SLC6A2: variants seen among roughly 807,000 people sequenced by gnomAD.
SLC6A2 encodes the protein solute carrier family 6 member 2.
In SLC6A2, 26 loss-of-function variants were observed where a neutral mutation model predicts 71.7. The observed-to-expected ratio is 0.36, with a 90% CI of 0.27 to 0.50. The LOEUF is 0.50. SLC6A2 is among the 20% of genes least tolerant of loss of function. SLC6A2 has a pLI of 0.96. For missense variants in SLC6A2, 581 were observed against 803.9 expected, an observed-to-expected ratio of 0.72 and a Z score of 3.35; for synonymous variants, 363 against 337.9, an observed-to-expected ratio of 1.07 and a Z score of -0.82.
At chr16:55,660,149 G>A (rs571151425) in intron 2 of SLC6A2, among the ~76,000 whole-genome samples, 2 of 152,226 alleles carry the variant, frequency 1.3e-5, no homozygotes, top group South Asian at 2.1e-4. Context: ...GCAGACAAGC[G>A]GTGAGAAGGG....
At chr16:55,702,064 C>G (rs1210209848) in intron 14 of SLC6A2, 130 bp downstream of exon 14, 1 of 823,780 alleles carries the variant, frequency 1.2e-6, no homozygotes, top group Admixed American at 2.0e-5. Context: ...GCCTTTTCCC[C>G]TTGGAAACAT....
chr16:55,667,736 T>G (rs1486079696), intron 2 of SLC6A2, among the ~76,000 whole-genome samples: 1 of 152,216 alleles, frequency 6.6e-6, no homozygotes, highest in African/African-American at 2.4e-5. Flanking sequence ...ACCACATGGC[T>G]TAGCTGGTCC....
Position 55,699,601 on chromosome 16 carries a change from C to T in SLC6A2, c.1537C>T (p.Pro513Ser). The change falls in exon 12 of 15, where the codon CCG becomes TCG. Residue 513 changes from proline to serine, a missense_variant. Pro to Ser is a moderately conservative substitution (Grantham distance 74). Transcript: ENST00000568943. ...NDIQQMMGFR[P>S]GLYWRLCWKF... ...CATCCAGCAGATGATGGGGTTCAGG[C>T]CGGGTCTATACTGGAGACTGTGCTG... The T allele has an allele frequency of 6.2e-7, 1 of 1,614,136 alleles. No individual in the cohort carries two copies. Among genetic ancestry groups the T allele is most frequent in the African/African-American group, 1.3e-5 (1 of 75,038 alleles).
rs1161580229 is a variant in SLC6A2, at chr16:55,705,811, CA to C, written c.*3466del. ...CCTCCAGAACTTTGATTTTTCTGGA[CA>C]TTCAATAGTTCCTCTTTCTCAGATA... On this transcript the variant is annotated 3_prime_UTR_variant, in exon 15 of 15. Transcript: ENST00000568943. The C allele has an allele frequency of 1.3e-5, 2 of 152,284 alleles. No homozygotes were observed. Among genetic ancestry groups the C allele is most frequent in the African/African-American group, 4.8e-5 (2 of 41,470 alleles). The allele number at this position is 152,284 out of a possible 1,614,324, so 9.4% of individuals were successfully genotyped here.
chr16:55,665,448 C>T (rs1483643160), intron 2 of SLC6A2, among the ~76,000 whole-genome samples: 2 of 152,218 alleles, frequency 1.3e-5, no homozygotes, highest in Middle Eastern at 3.4e-3. Context: ...ACACCAGCAG[C>T]GACAGCCTGT....
Position 55,656,945 on chromosome 16 carries a change from A to T in SLC6A2, c.251A>T (p.Tyr84Phe). ...CTGGCCAACGTGTGGCGCTTCCCCT[A>T]CCTCTGCTACAAGAACGGCGGCGGT... ...VDLANVWRFP[Y>F]LCYKNGGGAF... Residue 84 changes from tyrosine to phenylalanine, a missense_variant, in exon 2 of 15, where the codon TAC becomes TTC. Tyr to Phe is a conservative substitution (Grantham distance 22, BLOSUM62 3). Transcript: ENST00000568943. The surrounding 1 kb of genome is among the most constrained non-coding windows in gnomAD (Gnocchi z 4.5). 1.2e-6 allele frequency: 2 copies of T among 1,613,424 alleles called. No homozygotes were observed. Among genetic ancestry groups the T allele is most frequent in the South Asian group, 2.2e-5 (2 of 91,058 alleles).
In SLC6A2 at chr16:55,699,671, G is replaced by A. The variant is rs1965909356; in HGVS notation, c.1590+17G>A. ...TTCCTCCTGGTGTGTAGTGTCTGCA[G>A]GGAAGTCCTGCATGTGGGGAGGGGG... On this transcript the variant is annotated intron_variant, in intron 12 of 14. Coordinates refer to ENST00000568943, the MANE Select transcript of SLC6A2 (RefSeq NM_001172501.3). The A allele has an allele frequency of 1.9e-6, 3 of 1,573,468 alleles. No individual in the cohort carries two copies. The highest frequency in any genetic ancestry group is 2.2e-5 in the East Asian group (1 of 44,608).
At chr16:55,667,205 C>G (rs1964777353) in intron 2 of SLC6A2, among the ~76,000 whole-genome samples, 1 of 152,060 alleles carries the variant, frequency 6.6e-6, no homozygotes, top group Admixed American at 6.5e-5. Flanking sequence ...CCCTATTAAA[C>G]AGTTTAATAC....
chr16:55,701,804 G>A (rs1191440514), intron 13 of SLC6A2, 59 bp from the exon 14 acceptor site: 1 of 1,326,848 alleles, frequency 7.5e-7, no homozygotes, highest in Non-Finnish European at 1.1e-6. Flanking sequence ...GTGCAGCCAG[G>A]CTGCCAGAAG....
intron 4 of SLC6A2, among the ~76,000 whole-genome samples, chr16:55,678,327 C>G (rs976546986): frequency 1.3e-5 from 2 of 151,730 alleles, no homozygotes; most frequent in African/African-American, 4.8e-5. Flanking sequence ...TTTTTAATGG[C>G]GTGATGCCCT....
In SLC6A2 at chr16:55,705,187, TA is replaced by T; in HGVS notation, c.*2842del. 1.3e-6 allele frequency: 2 copies of T among 1,509,270 alleles called. No homozygotes were observed. Among genetic ancestry groups the T allele is most frequent in the Non-Finnish European group, 1.8e-6 (2 of 1,122,224 alleles). The allele number at this position is 1,509,270 out of a possible 1,614,324, so 93.5% of individuals were successfully genotyped here. On this transcript the variant is annotated 3_prime_UTR_variant, in exon 15 of 15. Transcript: ENST00000568943. ...TACGTCTACTCAATGTCTAGTTATT[TA>T]GCACCCACCTTTTAGCTTTCATTCT...
At chr16:55,682,643 C>T (rs1965310629) in intron 4 of SLC6A2, among the ~76,000 whole-genome samples, 1 of 152,180 alleles carries the variant, frequency 6.6e-6, no homozygotes, top group Non-Finnish European at 1.5e-5. Context: ...CCTGATCTTG[C>T]AGAAACAGGC....
At chr16:55,689,655 G>A (rs1965553975) in intron 5 of SLC6A2, among the ~76,000 whole-genome samples, 1 of 152,190 alleles carries the variant, frequency 6.6e-6, no homozygotes, top group Non-Finnish European at 1.5e-5. Context: ...TGTGCCTTTT[G>A]CCAAGGGCTT....
Position 55,700,872 on chromosome 16 carries a change from T to TAC in SLC6A2, c.1758+580_1758+581dup, listed in dbSNP as rs554764874. Among the ~76,000 whole-genome samples the TAC allele has an allele frequency of 3.1e-3, 476 of 152,032 alleles. 5 individuals carry two copies. The South Asian group carries it at 0.047, about 15-fold the overall frequency. ...GTGTGTATATACATACATGTATATA[T>TAC]ACACACACACACACATTTATATAAA... On this transcript the variant is annotated intron_variant, in intron 13 of 14. Coordinates refer to ENST00000568943, the MANE Select transcript of SLC6A2 (RefSeq NM_001172501.3).
At chr16:55,698,718 C>T (rs934903737) in intron 11 of SLC6A2, 150 bp downstream of exon 11, 1 of 705,060 alleles carries the variant, frequency 1.4e-6, no homozygotes. Flanking sequence ...CAATCCTCGG[C>T]TCATCTTTGG....
At chr16:55,660,383 C>T (rs17841328) in intron 2 of SLC6A2, among the ~76,000 whole-genome samples, 9,205 of 152,256 alleles carry the variant, frequency 0.06, 355 homozygotes, top group African/African-American at 0.1. Context: ...GGGAGCAGTG[C>T]AGCCCTCCAT....
chr16:55,659,447 G>A (rs1355551662), intron 2 of SLC6A2, among the ~76,000 whole-genome samples: 1 of 152,148 alleles, frequency 6.6e-6, no homozygotes, highest in African/African-American at 2.4e-5. Flanking sequence ...CCAGTCTTTA[G>A]GTGAAGCTGA....
At chr16:55,692,122 G>T (rs1003025535) in intron 6 of SLC6A2, 70 bp downstream of exon 6, 3 of 1,564,276 alleles carry the variant, frequency 1.9e-6, no homozygotes, top group East Asian at 2.2e-5. Context: ...GGTGATGATG[G>T]AAAATCTGGT....
At chr16:55,668,141 C>G (rs1457111786) in intron 2 of SLC6A2, among the ~76,000 whole-genome samples, 2 of 152,094 alleles carry the variant, frequency 1.3e-5, no homozygotes, top group African/African-American at 4.8e-5. Flanking sequence ...CTAGGTCTCT[C>G]AGCATTAGGG....
Sources: gnomAD v4.1 joint callset for allele counts (sites outside exome capture counted in the v4.1 genomes callset) on GRCh38, gnomAD v4.1.1 for gene constraint, Gnocchi (gnomAD v3.1) non-coding constraint, MANE v1.5 for transcripts, NCBI Gene and HGNC (gene_info 2026-07-23, HGNC 2026-07-21) for gene names.